MCMBP: variants seen among roughly 807,000 people sequenced by gnomAD.
MCMBP encodes the protein minichromosome maintenance complex binding protein, also known as mini-chromosome maintenance complex-binding protein.
MCMBP carries 31 observed loss-of-function variants against 81.3 expected under a neutral mutation model. That is an observed-to-expected ratio of 0.38 (90% CI 0.29 to 0.51). MCMBP has a LOEUF of 0.51. Among genes scored for constraint, MCMBP ranks in the 20% least tolerant of loss-of-function variants. The pLI, the probability that MCMBP is intolerant of heterozygous loss-of-function variation, is 0.87. For missense variants in MCMBP, 645 were observed against 772.1 expected (o/e 0.84, Z 1.95); for synonymous variants, 267 against 275.9 (o/e 0.97, Z 0.32).
intron 10 of MCMBP, among the ~76,000 whole-genome samples, chr10:119,841,162 G>A (rs149040805): frequency 9.9e-4 from 151 of 152,348 alleles, no homozygotes; most frequent in Non-Finnish European, 1.7e-3. Flanking sequence ...GCCAAAGACC[G>A]TTCTGAGTAT....
chr10:119,843,529 A>G (rs990273359), intron 8 of MCMBP, 103 bp from the exon 9 acceptor site: 37 of 1,101,364 alleles, frequency 3.4e-5, no homozygotes, highest in Non-Finnish European at 3.7e-5. Context: ...AGCCAAGAAT[A>G]TTTCCACCTG....
In MCMBP at chr10:119,830,245, T is replaced by A. The variant is rs1851963334; in HGVS notation, c.*1229A>T. The stretch of plus-strand genomic sequence containing the variant: ...AAACGTAAGGGATCCTTTATCTGCC[T>A]CCAACTAGGTAAGTTATTTGATACC... On this transcript the variant is annotated 3_prime_UTR_variant, in exon 16 of 16. Coordinates refer to ENST00000369077, the MANE Select transcript of MCMBP (RefSeq NM_001256378.2). 1 of 152,642 alleles carries A rather than the reference T, an allele frequency of 6.6e-6. No individual in the cohort carries two copies. The highest frequency in any genetic ancestry group is 2.4e-5 in the African/African-American group (1 of 41,450). 9.5% of individuals were successfully genotyped at this position (152,642 alleles called of 1,614,324 possible). A position where few individuals can be genotyped will look rare whatever the true frequency, so the allele number is the denominator to read the frequency against.
intron 14 of MCMBP, among the ~76,000 whole-genome samples, chr10:119,833,514 C>CA (rs1369769611): frequency 6.6e-6 from 1 of 150,764 alleles, no homozygotes; most frequent in Admixed American, 6.6e-5. Context: ...AAAGAAAAAA[C>CA]AAAAAAACAA....
rs529896856 is a variant in MCMBP, at chr10:119,841,428, T to C, written c.1125-468A>G. 4.6e-5 allele frequency among the ~76,000 whole-genome samples: 7 copies of C among 152,312 alleles called. No individual in the cohort carries two copies. The East Asian group carries it at 1.3e-3, about 29-fold the overall frequency. On this transcript the variant is annotated intron_variant, in intron 10 of 15. Coordinates refer to ENST00000369077, the MANE Select transcript of MCMBP (RefSeq NM_001256378.2). ...AAAGATGTTTCCTGCAACTTTATAATAGAGAAAAGCTAGGAAAAGCTAACA... is the reference window on the plus strand; with the variant it reads ...AAAGATGTTTCCTGCAACTTTATAACAGAGAAAAGCTAGGAAAAGCTAACA...
At position 119,843,403 on chromosome 10, in the gene MCMBP, G is replaced by C; in HGVS notation, c.851C>G (p.Pro284Arg). ...CTCTGCTGTGTCTGTGCACTCCATC[G>C]GATCCAGCAGTGCAGAGGCATCCCT... ...DERDASALLDPMECTDTAEEQ... is the reference protein window; with the variant it reads ...DERDASALLDRMECTDTAEEQ... The change falls in exon 9 of 16, where the codon CCG becomes CGG. Residue 284 changes from proline (P) to arginine (R), a missense_variant. By Grantham distance (103) the Pro-to-Arg change is moderately radical (BLOSUM62 -2). Coordinates refer to ENST00000369077, the MANE Select transcript of MCMBP (RefSeq NM_001256378.2). The C allele has an allele frequency of 6.2e-7, 1 of 1,613,762 alleles. No homozygotes were observed. Among genetic ancestry groups the C allele is most frequent in the Non-Finnish European group, 8.5e-7 (1 of 1,179,802 alleles).
chr10:119,869,911 T>C (rs967771698), intron 1 of MCMBP, among the ~76,000 whole-genome samples: 1 of 152,258 alleles, frequency 6.6e-6, no homozygotes, highest in African/African-American at 2.4e-5. Context: ...ATGTTAGGAA[T>C]ATGCTAGATC....
chr10:119,837,702 T>A (rs1852294033), intron 12 of MCMBP, among the ~76,000 whole-genome samples: 1 of 152,114 alleles, frequency 6.6e-6, no homozygotes, highest in South Asian at 2.1e-4. Context: ...GAGAATGGTG[T>A]GAACCCGGGA....
intron 8 of MCMBP, among the ~76,000 whole-genome samples, chr10:119,845,705 T>C (rs541672043): frequency 6.6e-6 from 1 of 152,336 alleles, no homozygotes; most frequent in Admixed American, 6.5e-5. Flanking sequence ...ACTACACAGC[T>C]GCATTCTAAA....
At chr10:119,868,077 A>T (rs183150669) in intron 1 of MCMBP, among the ~76,000 whole-genome samples, 1 of 152,176 alleles carries the variant, frequency 6.6e-6, no homozygotes, top group South Asian at 2.1e-4. Context: ...ACAACCAAAG[A>T]AGCTTAAATA....
intron 1 of MCMBP, among the ~76,000 whole-genome samples, chr10:119,863,445 G>T (rs1246923555): frequency 6.6e-6 from 1 of 152,042 alleles, no homozygotes; most frequent in Non-Finnish European, 1.5e-5. Flanking sequence ...TTAAAATGCA[G>T]CGAGGGCCAG....
rs1197530563 is a variant in MCMBP at position 119,842,473 on chromosome 10, C to A, written c.1123G>T (p.Val375Leu). 1 of 1,612,414 alleles carries A rather than the reference C, an allele frequency of 6.2e-7. No homozygotes were observed. The highest frequency in any genetic ancestry group is 8.5e-7 in the Non-Finnish European group (1 of 1,179,134). ...EYLILHLIST[V>L]YTRRDVLPLG... ...TTCCCACCAGGATACAGCACTTACA[C>A]TGTGGAGATGAGATGTAATATAAGG... The change falls in exon 10 of 16, where the codon GTA becomes TTA. Residue 375 changes from valine to leucine, a missense_variant and splice_region_variant. By Grantham distance (32) the Val-to-Leu change is conservative. Coordinates refer to ENST00000369077, the MANE Select transcript of MCMBP (RefSeq NM_001256378.2).
At chr10:119,842,072 G>A (rs958692553) in intron 10 of MCMBP, among the ~76,000 whole-genome samples, 2 of 152,108 alleles carry the variant, frequency 1.3e-5, no homozygotes, top group Non-Finnish European at 1.5e-5. Context: ...TCACAGGAGC[G>A]CGAACCCTAT....
At chr10:119,861,916 TC>T (rs1353375128) in intron 1 of MCMBP, among the ~76,000 whole-genome samples, 2 of 152,046 alleles carry the variant, frequency 1.3e-5, no homozygotes, top group Non-Finnish European at 2.9e-5. Flanking sequence ...AATTTTTAAA[TC>T]TTTTTGTAGA....
At position 119,850,144 on chromosome 10, in the gene MCMBP, G is replaced by C. The variant is rs966817475; in HGVS notation, c.575-568C>G. 3.3e-5 allele frequency among the ~76,000 whole-genome samples: 5 copies of C among 152,124 alleles called. No homozygotes were observed. The East Asian group carries it at 9.6e-4, about 29-fold the overall frequency. On this transcript the variant is annotated intron_variant, in intron 6 of 15. Coordinates refer to ENST00000369077, the MANE Select transcript of MCMBP (RefSeq NM_001256378.2). ...ATCAAATTATAGCCTGCCATACCACGAAACACCACTCAGCAATAAAACGGA... is the reference window on the plus strand; with the variant it reads ...ATCAAATTATAGCCTGCCATACCACCAAACACCACTCAGCAATAAAACGGA...
chr10:119,849,925 A>G (rs367649314), intron 6 of MCMBP, among the ~76,000 whole-genome samples: 1 of 152,228 alleles, frequency 6.6e-6, no homozygotes, highest in South Asian at 2.1e-4. Context: ...TACCGACAGC[A>G]AAACTCCTTG....
chr10:119,863,446 C>T (rs544136937), intron 1 of MCMBP, among the ~76,000 whole-genome samples: 1 of 151,938 alleles, frequency 6.6e-6, no homozygotes, highest in Non-Finnish European at 1.5e-5. Context: ...TAAAATGCAG[C>T]GAGGGCCAGG....
chr10:119,868,309 C>T (rs938315598), intron 1 of MCMBP, among the ~76,000 whole-genome samples: 9 of 152,168 alleles, frequency 5.9e-5, no homozygotes, highest in Non-Finnish European at 8.8e-5. Context: ...ACTTTTAATC[C>T]CAGCTACTCG....
chr10:119,841,194 C>A (rs1852419637), intron 10 of MCMBP, among the ~76,000 whole-genome samples: 1 of 152,136 alleles, frequency 6.6e-6, no homozygotes, highest in Admixed American at 6.5e-5. Context: ...CTCATTTAAC[C>A]CCTAACCATT....
chr10:119,860,754 A>C (rs1853227509), intron 1 of MCMBP, among the ~76,000 whole-genome samples: 1 of 152,240 alleles, frequency 6.6e-6, no homozygotes, highest in African/African-American at 2.4e-5. Context: ...AATGCTTCTC[A>C]ATCTGGATCT....
Sources: allele counts gnomAD v4.1 joint callset (sites outside exome capture counted in the v4.1 genomes callset), GRCh38; gene constraint gnomAD v4.1.1; transcripts MANE v1.5; gene names NCBI Gene and HGNC (gene_info 2026-07-23, HGNC 2026-07-21).